NSUN6: variants seen among roughly 807,000 people sequenced by gnomAD.
The protein encoded by NSUN6 is tRNA (cytosine(72)-C(5))-methyltransferase NSUN6.
A neutral mutation model predicts 58.0 loss-of-function variants in NSUN6; 64 were observed. The observed-to-expected ratio is 1.10, with a 90% CI of 0.90 to 1.36. NSUN6 has a LOEUF of 1.36. Among genes scored for constraint, NSUN6 ranks in the 40% most tolerant of loss-of-function variants. The pLI, the probability that NSUN6 is intolerant of heterozygous loss-of-function variation, is 0.00. For missense variants in NSUN6, 701 were observed against 550.1 expected, an observed-to-expected ratio of 1.27 and a Z score of -2.74; for synonymous variants, 231 against 193.9, an observed-to-expected ratio of 1.19 and a Z score of -1.59.
At position 18,598,135 on chromosome 10, in the gene NSUN6, A is replaced by T. The variant is rs144970113; in HGVS notation, c.658-1808T>A. On this transcript the variant is annotated intron_variant, in intron 6 of 10. Transcript: ENST00000377304. ...CCCCACTCTCATCAATGTACCTTGT[A>T]ATCTCCCCCACCCTTAAGAAGGTTC... Among the ~76,000 whole-genome samples, 269 of 152,296 alleles carry T rather than the reference A, an allele frequency of 1.8e-3. 3 individuals carry two copies. The highest frequency in any genetic ancestry group is 6.4e-3 in the African/African-American group (264 of 41,558).
intron 4 of NSUN6, among the ~76,000 whole-genome samples, chr10:18,614,850 C>G (rs1219941867): frequency 6.6e-6 from 1 of 152,028 alleles, no homozygotes; most frequent in Non-Finnish European, 1.5e-5. Flanking sequence ...AAAATAGCTT[C>G]AAAACATCCT....
intron 3 of NSUN6, among the ~76,000 whole-genome samples, chr10:18,620,050 A>G (rs1457164210): frequency 6.6e-6 from 1 of 151,832 alleles, no homozygotes; most frequent in Non-Finnish European, 1.5e-5. Flanking sequence ...TACCACTATT[A>G]TATTTCTAAA....
chr10:18,578,478 TG>T (rs957460047), intron 8 of NSUN6, among the ~76,000 whole-genome samples: 7 of 152,076 alleles, frequency 4.6e-5, no homozygotes, highest in African/African-American at 1.7e-4. Context: ...CTTTCGGTTG[TG>T]GTAGGTGGCC....
intron 7 of NSUN6, among the ~76,000 whole-genome samples, chr10:18,591,811 A>G (rs1302362300): frequency 6.6e-6 from 1 of 152,176 alleles, no homozygotes. Context: ...CTGGCATGAG[A>G]CAAGGATGCC....
At chr10:18,639,087 TCAAA>T (rs917257494) in intron 3 of NSUN6, among the ~76,000 whole-genome samples, 5 of 151,472 alleles carry the variant, frequency 3.3e-5, no homozygotes, top group Admixed American at 6.6e-5. Flanking sequence ...AGACCTCGTC[TCAAA>T]CAAACAAACA....
Position 18,642,449 on chromosome 10 carries a change from T to C in NSUN6, c.311+27A>G, listed in dbSNP as rs2059417090. On this transcript the variant is annotated intron_variant, in intron 3 of 10. Coordinates refer to ENST00000377304, the MANE Select transcript of NSUN6 (RefSeq NM_182543.5). The stretch of plus-strand genomic sequence containing the variant: ...TGACAAACTTTTATTGAGAATAATA[T>C]AATTTGGAAATGAAGTTCTTACAAA... 1.8e-6 allele frequency: 2 copies of C among 1,098,988 alleles called. 1 individual carries two copies. The highest frequency in any genetic ancestry group is 4.7e-5 in the East Asian group (2 of 42,332). 68.1% of individuals were successfully genotyped at this position (1,098,988 alleles called of 1,614,324 possible). A position where few individuals can be genotyped will look rare whatever the true frequency, so the allele number is the denominator to read the frequency against.
chr10:18,566,261 G>A (rs1318182269), intron 8 of NSUN6, among the ~76,000 whole-genome samples: 43 of 107,166 alleles, frequency 4.0e-4, no homozygotes, highest in Non-Finnish European at 5.7e-4. Context: ...ATTCCATTCC[G>A]TTCTCCATTC....
intron 1 of NSUN6, among the ~76,000 whole-genome samples, chr10:18,650,694 A>G (rs1381313922): frequency 6.6e-6 from 1 of 152,360 alleles, no homozygotes; most frequent in Admixed American, 6.5e-5. Flanking sequence ...AAAAACCTCT[A>G]AGAAAAAAAA....
At chr10:18,575,342 C>A (rs541311345) in intron 8 of NSUN6, among the ~76,000 whole-genome samples, 1 of 152,312 alleles carries the variant, frequency 6.6e-6, no homozygotes, top group Admixed American at 6.5e-5. Flanking sequence ...GTTGATTACA[C>A]AGAAATGTCT....
chr10:18,602,704 G>C, intron 6 of NSUN6, among the ~76,000 whole-genome samples: 1 of 152,214 alleles, frequency 6.6e-6, no homozygotes, highest in Non-Finnish European at 1.5e-5. Flanking sequence ...GGGCAGCCTG[G>C]CAGCCTTTGG....
chr10:18,551,853 A>G lies in NSUN6; in HGVS notation c.1041T>C (p.Tyr347=), dbSNP rs889890948. Residue 347 remains tyrosine (Y), a synonymous_variant, in exon 9 of 11, where the codon TAT becomes TAC. Coordinates refer to ENST00000377304, the MANE Select transcript of NSUN6 (RefSeq NM_182543.5). ...CTWSVKEVAS[Y]QPLQRKLFTA... ...TGAAGAGTTTTCGCTGTAATGGCTG[A>G]TATGATGCCACTTCCTTCACAGACC... The G allele has an allele frequency of 1.9e-6, 3 of 1,613,526 alleles. No homozygotes were observed. The highest frequency in any genetic ancestry group is 2.7e-5 in the African/African-American group (2 of 74,916).
intron 1 of NSUN6, among the ~76,000 whole-genome samples, chr10:18,650,666 CAA>C (rs1269256391): frequency 6.6e-6 from 1 of 152,036 alleles, no homozygotes; most frequent in Admixed American, 6.6e-5. Flanking sequence ...GTTTTCTGCT[CAA>C]GTCTATTAAA....
intron 3 of NSUN6, among the ~76,000 whole-genome samples, chr10:18,626,335 C>A (rs557147764): frequency 6.6e-6 from 1 of 151,630 alleles, no homozygotes; most frequent in Non-Finnish European, 1.5e-5. Flanking sequence ...AGCTCAGGAG[C>A]TCGAGACCAG....
intron 8 of NSUN6, among the ~76,000 whole-genome samples, chr10:18,557,427 A>T (rs1169181990): frequency 6.6e-6 from 1 of 151,516 alleles, no homozygotes; most frequent in East Asian, 1.9e-4. Flanking sequence ...ATGGAATGGA[A>T]TGGAGAATGG....
chr10:18,583,991 A>C (rs1417630544), intron 8 of NSUN6, among the ~76,000 whole-genome samples: 1 of 152,212 alleles, frequency 6.6e-6, no homozygotes, highest in African/African-American at 2.4e-5. Flanking sequence ...CATACCCTGC[A>C]GGGCAAGTTC....
chr10:18,566,473 C>G (rs531196277), intron 8 of NSUN6, among the ~76,000 whole-genome samples: 5 of 141,474 alleles, frequency 3.5e-5, no homozygotes, highest in African/African-American at 1.4e-4. Flanking sequence ...ATTCCATTCT[C>G]CATTCCATTC....
At chr10:18,652,569 CTTTTTTT>C, upstream of NSUN6, 6 of 898,256 alleles carry the variant, frequency 6.7e-6, no homozygotes, top group Non-Finnish European at 7.9e-6. Context: ...TTTCTCTGCT[CTTTTTTT>C]TTTTTTTTTT....
intron 6 of NSUN6, among the ~76,000 whole-genome samples, chr10:18,598,998 A>G (rs1008538561): frequency 5.3e-5 from 8 of 152,194 alleles, no homozygotes; most frequent in Non-Finnish European, 1.0e-4. Context: ...AATATAAAAC[A>G]GCCCATGTGA....
rs45468894 is a variant in NSUN6, at chr10:18,648,650, AAAG to A, written c.76-8_76-6del. On this transcript the variant is annotated splice_region_variant and splice_polypyrimidine_tract_variant and intron_variant, in intron 1 of 10. Coordinates refer to ENST00000377304, the MANE Select transcript of NSUN6 (RefSeq NM_182543.5). ...TTTACCTAAAGCAGTCACAATCTAAAAAGAAGTTCATGTTTAAATTTCCTGAGA... is the reference window on the plus strand; with the variant it reads ...TTTACCTAAAGCAGTCACAATCTAAAAAGTTCATGTTTAAATTTCCTGAGA... The A allele has an allele frequency of 6.5e-7, 1 of 1,537,738 alleles. No individual in the cohort carries two copies. Among genetic ancestry groups the A allele is most frequent in the Non-Finnish European group, 9.0e-7 (1 of 1,117,258 alleles).
Sources: gnomAD v4.1 joint callset for allele counts (sites outside exome capture counted in the v4.1 genomes callset) on GRCh38, gnomAD v4.1.1 for gene constraint, MANE v1.5 for transcripts, NCBI Gene and HGNC (gene_info 2026-07-23, HGNC 2026-07-21) for gene names.